The following PAK1 variants were observed in gnomAD, a reference collection of about 807,000 sequenced individuals.
The protein encoded by PAK1 is p21 (RAC1) activated kinase 1, also known as serine/threonine-protein kinase PAK 1.
In PAK1, 29 loss-of-function variants were observed where a neutral mutation model predicts 67.4. The observed-to-expected ratio is 0.43, with a 90% CI of 0.32 to 0.59. The LOEUF (loss-of-function observed/expected upper bound fraction) is 0.59, where lower values mean the gene tolerates loss of function less well. Ranked by LOEUF, PAK1 falls within the 20% of genes least tolerant of loss-of-function variation. The pLI, the probability that PAK1 is intolerant of heterozygous loss-of-function variation, is 0.07. For missense variants in PAK1, 337 were observed against 670.7 expected, an observed-to-expected ratio of 0.50 and a Z score of 5.50; for synonymous variants, 223 against 237.4, an observed-to-expected ratio of 0.94 and a Z score of 0.56.
chr11:77,448,700 T>C (rs1356799695), intron 1 of PAK1, among the ~76,000 whole-genome samples: 2 of 152,274 alleles, frequency 1.3e-5, no homozygotes, highest in African/African-American at 2.4e-5. Context: ...ATTTCAGCAA[T>C]AGTGTGAAAA....
intron 1 of PAK1, among the ~76,000 whole-genome samples, chr11:77,455,301 TGA>T (rs1957035597): frequency 1.3e-5 from 1 of 75,780 alleles, no homozygotes; most frequent in African/African-American, 8.2e-5. Flanking sequence ...CTACAGAGGT[TGA>T]AAAAAAAAAA....
intron 2 of PAK1, among the ~76,000 whole-genome samples, chr11:77,383,617 G>A (rs1019174597): frequency 6.6e-6 from 1 of 152,102 alleles, no homozygotes; most frequent in Non-Finnish European, 1.5e-5. Context: ...GAGCCACCAC[G>A]CCCGGCCTGG....
At position 77,372,368 on chromosome 11, in the gene PAK1, T is replaced by C. The variant is rs115699413; in HGVS notation, c.477+1960A>G. 5.7e-3 allele frequency among the ~76,000 whole-genome samples: 871 copies of C among 152,344 alleles called. 11 individuals are homozygous for C. Among genetic ancestry groups the C allele is most frequent in the African/African-American group, 0.02 (838 of 41,576 alleles). ...AGATGCCTATTGCCATTAACTCTTTTCCATTTCAGTTTTATCATCTACAAG... is the reference window on the plus strand; with the variant it reads ...AGATGCCTATTGCCATTAACTCTTTCCCATTTCAGTTTTATCATCTACAAG... On this transcript the variant is annotated intron_variant, in intron 5 of 14. Coordinates refer to ENST00000356341, the MANE Select transcript of PAK1 (RefSeq NM_002576.5).
intron 1 of PAK1, among the ~76,000 whole-genome samples, chr11:77,419,476 T>C (rs1337785061): frequency 6.6e-6 from 1 of 152,234 alleles, no homozygotes; most frequent in Non-Finnish European, 1.5e-5. Context: ...CTCTCCTCTG[T>C]AGGCATATGA....
chr11:77,490,048 G>A, the PAK1 span, among the ~76,000 whole-genome samples: 6 of 149,460 alleles, frequency 4.0e-5, no homozygotes, highest in African/African-American at 1.2e-4. Flanking sequence ...AGTGAGGAGC[G>A]TCTCTGCCCG....
intron 10 of PAK1, among the ~76,000 whole-genome samples, chr11:77,341,559 T>C (rs1027862282): frequency 6.6e-6 from 1 of 152,166 alleles, no homozygotes; most frequent in Non-Finnish European, 1.5e-5. Flanking sequence ...AGGAGTTGGA[T>C]CACTCAACCC....
In PAK1 at chr11:77,322,087, T is replaced by C. The variant is rs1938598793; in HGVS notation, c.*1187A>G. ...GCAGAGGCAGTAGTACCTCAGAGCA[T>C]GAGAAGGTAGTCAATGGGGCTGACA... is the stretch of plus-strand genomic sequence containing the variant. On this transcript the variant is annotated 3_prime_UTR_variant, in exon 15 of 15. Transcript: ENST00000356341. 1 of 218,504 alleles carries C rather than the reference T, an allele frequency of 4.6e-6. No individual in the cohort carries two copies. Among genetic ancestry groups the C allele is most frequent in the Admixed American group, 5.8e-5 (1 of 17,238 alleles). 13.5% of individuals were successfully genotyped at this position (218,504 alleles called of 1,614,324 possible). A position where few individuals can be genotyped will look rare whatever the true frequency, so the allele number is the denominator to read the frequency against.
chr11:77,348,421 G>T (rs1944753840), intron 9 of PAK1, among the ~76,000 whole-genome samples: 1 of 152,142 alleles, frequency 6.6e-6, no homozygotes, highest in Non-Finnish European at 1.5e-5. Context: ...GCAGGCTTTA[G>T]CTATAGTTCT....
At position 77,405,670 on chromosome 11, in the gene PAK1, G is replaced by GACACAC. The variant is rs370157407; in HGVS notation, c.-21-13130_-21-13129insGTGTGT. ...CTATTCAAAGACAGACAGACAGACA[G>GACACAC]ACAGACACACACACACACACACACA... is the stretch of plus-strand genomic sequence containing the variant. On this transcript the variant is annotated intron_variant, in intron 1 of 14. Coordinates refer to ENST00000356341, the MANE Select transcript of PAK1 (RefSeq NM_002576.5). Among the ~76,000 whole-genome samples, 113 of 125,650 alleles carry GACACAC rather than the reference G, an allele frequency of 9.0e-4. 1 individual carries two copies. The highest frequency in any genetic ancestry group is 3.8e-3 in the Middle Eastern group (1 of 266). 82.4% of individuals were successfully genotyped at this position (125,650 alleles called of 152,430 possible).
At position 77,415,194 on chromosome 11, in the gene PAK1, G is replaced by A. The variant is rs184486101; in HGVS notation, c.-21-22653C>T. On this transcript the variant is annotated intron_variant, in intron 1 of 14. Transcript: ENST00000356341. ...ATGAGATATCACTACACATCTATTA[G>A]AATAACTAAAATCCAAAACACTGAC... Among the ~76,000 whole-genome samples, 8 of 152,282 alleles carry A rather than the reference G, an allele frequency of 5.3e-5. No individual in the cohort carries two copies. The East Asian group carries it at 1.5e-3, about 29-fold the overall frequency.
chr11:77,418,251 T>C (rs1291179726), intron 1 of PAK1, among the ~76,000 whole-genome samples: 1 of 152,188 alleles, frequency 6.6e-6, no homozygotes, highest in Non-Finnish European at 1.5e-5. Context: ...TATGCTTATC[T>C]CATTGTGGGC....
At chr11:77,462,641 G>C (rs917752345) in intron 1 of PAK1, among the ~76,000 whole-genome samples, 8 of 151,960 alleles carry the variant, frequency 5.3e-5, no homozygotes, top group African/African-American at 7.3e-5. Context: ...AGACCAGCCT[G>C]GCCAACATGG....
intron 1 of PAK1, among the ~76,000 whole-genome samples, chr11:77,457,362 A>T (rs1957127900): frequency 1.3e-5 from 2 of 152,178 alleles, no homozygotes; most frequent in Admixed American, 6.5e-5. Context: ...TTCTGTTTCC[A>T]TGGTTTCAAA....
chr11:77,490,402 A>C, the PAK1 span, among the ~76,000 whole-genome samples: 1 of 98,706 alleles, frequency 1.0e-5, no homozygotes, highest in Admixed American at 1.0e-4. Context: ...GGCCGCCCCT[A>C]CTGGGAAGTG....
intron 1 of PAK1, among the ~76,000 whole-genome samples, chr11:77,433,594 A>C (rs1304071397): frequency 6.6e-6 from 1 of 152,132 alleles, no homozygotes; most frequent in Non-Finnish European, 1.5e-5. Context: ...CCTGGCTAAC[A>C]CGGTGAAACC....
intron 9 of PAK1, among the ~76,000 whole-genome samples, chr11:77,348,840 C>A (rs1490056066): frequency 6.6e-6 from 1 of 152,052 alleles, no homozygotes; most frequent in East Asian, 1.9e-4. Context: ...TAGATATGTT[C>A]CAGCTGGGCA....
At chr11:77,324,774 C>G (rs866991591) in intron 14 of PAK1, among the ~76,000 whole-genome samples, 1,326 of 120,540 alleles carry the variant, frequency 0.011, 18 homozygotes, top group African/African-American at 0.064. Flanking sequence ...CACACACACA[C>G]ACAGAGAGAG....
At chr11:77,373,700 CAG>C (rs1948734516) in intron 5 of PAK1, among the ~76,000 whole-genome samples, 1 of 151,932 alleles carries the variant, frequency 6.6e-6, no homozygotes. Flanking sequence ...TTAAGAGAGA[CAG>C]AGAGATCATC....
At chr11:77,523,717 C>T in the PAK1 span, among the ~76,000 whole-genome samples, 1 of 152,174 alleles carries the variant, frequency 6.6e-6, no homozygotes, top group Non-Finnish European at 1.5e-5. Context: ...CACACCCGGC[C>T]TCTTCATACT....
Sources: allele counts gnomAD v4.1 joint callset (sites outside exome capture counted in the v4.1 genomes callset), GRCh38; gene constraint gnomAD v4.1.1; transcripts MANE v1.5; gene names NCBI Gene and HGNC (gene_info 2026-07-23, HGNC 2026-07-21).